The following SEC13 variants were observed in gnomAD, a reference collection of about 807,000 sequenced individuals.
SEC13 encodes protein SEC13 homolog.
SEC13 carries 25 observed loss-of-function variants against 49.2 expected under a neutral mutation model. The ratio of observed to expected loss-of-function variants is 0.51; its 90% CI spans 0.37 to 0.71. The LOEUF is 0.71. SEC13 is among the 30% of genes least tolerant of loss of function. The pLI is 0.00. For synonymous variants in SEC13, 148 were observed against 163.9 expected (o/e 0.90, Z 0.74); for missense variants, 383 against 417.6 (o/e 0.92, Z 0.72).
chr3:10,314,716 T>C (rs760588541), intron 3 of SEC13, among the ~76,000 whole-genome samples: 7 of 152,206 alleles, frequency 4.6e-5, no homozygotes, highest in Non-Finnish European at 8.8e-5. Flanking sequence ...GAGCCAGGAC[T>C]TCCTCAAGAA....
chr3:10,306,586 C>G (rs1473760881), intron 5 of SEC13, among the ~76,000 whole-genome samples: 3 of 152,124 alleles, frequency 2.0e-5, no homozygotes, highest in Non-Finnish European at 4.4e-5. Context: ...TTCAGTTACC[C>G]AGGGATAGAG....
At chr3:10,315,690 G>A (rs1701561537) in intron 2 of SEC13, among the ~76,000 whole-genome samples, 1 of 152,162 alleles carries the variant, frequency 6.6e-6, no homozygotes, top group Non-Finnish European at 1.5e-5. Context: ...CTCAGGGAAG[G>A]GCTCTTCCAT....
intron 4 of SEC13, 59 bp from the exon 5 acceptor site, chr3:10,312,157 C>T: frequency 1.3e-6 from 2 of 1,522,600 alleles, no homozygotes; most frequent in Non-Finnish European, 1.8e-6. Context: ...CCAGGTCCCG[C>T]CTTCCACAGA....
chr3:10,319,828 AGGGG>A (rs2059739746), intron 1 of SEC13, among the ~76,000 whole-genome samples: 2 of 15,286 alleles, frequency 1.3e-4, no homozygotes, highest in African/African-American at 3.6e-4. Context: ...GGAAAGAGGG[AGGGG>A]GAGAGAAAAG....
intron 3 of SEC13, among the ~76,000 whole-genome samples, chr3:10,314,600 A>C (rs554841230): frequency 6.6e-6 from 1 of 152,328 alleles, no homozygotes; most frequent in South Asian, 2.1e-4. Flanking sequence ...TCAACCCCTG[A>C]ACTCTATTCA....
chr3:10,319,923 G>C (rs1313335500), intron 1 of SEC13, among the ~76,000 whole-genome samples: 2 of 113,244 alleles, frequency 1.8e-5, no homozygotes, highest in Admixed American at 1.9e-4. Flanking sequence ...GAGAGAGAGA[G>C]AGAAGAGAGG....
At chr3:10,311,639 C>A in intron 5 of SEC13, 1 of 1,156,744 alleles carries the variant, frequency 8.6e-7, no homozygotes, top group Non-Finnish European at 1.1e-6. Flanking sequence ...TTAATAACAC[C>A]ACTCCATTCT....
chr3:10,311,920 CAAGGCAGGCGCTCTCACTGCACGA>C (rs760614235), intron 5 of SEC13, 21 bp downstream of exon 5: 30 of 1,613,946 alleles, frequency 1.9e-5, no homozygotes, highest in South Asian at 9.9e-5. Flanking sequence ...AGACACGGGG[CAAGGCAGGCGCTCTCACTGCACGA>C]AAGGCAGGGG....
intron 8 of SEC13, among the ~76,000 whole-genome samples, chr3:10,303,328 G>A (rs760040226): frequency 1.3e-5 from 2 of 152,262 alleles, no homozygotes; most frequent in African/African-American, 4.8e-5. Flanking sequence ...ACCCTGCGGC[G>A]TTAGAGATCC....
intron 5 of SEC13, among the ~76,000 whole-genome samples, chr3:10,308,280 G>C (rs1234685550): frequency 1.3e-5 from 2 of 152,104 alleles, no homozygotes; most frequent in Non-Finnish European, 1.5e-5. Flanking sequence ...GGCCTGCTCA[G>C]CTGCATTTCC....
rs190632857 is a variant in SEC13, at chr3:10,316,645, G to A, written c.49-1209C>T. Among the ~76,000 whole-genome samples the A allele has an allele frequency of 4.6e-3, 698 of 152,198 alleles. 3 individuals are homozygous for A. Among genetic ancestry groups the A allele is most frequent in the Middle Eastern group, 0.017 (5 of 294 alleles). ...TCTTTATTATTTACCAACATCCTAT[G>A]GGCCTTAGTTCCCTTATCTTTAAAT... On this transcript the variant is annotated intron_variant, in intron 2 of 8. Transcript: ENST00000350697.
chr3:10,316,694 C>T (rs966240254), intron 2 of SEC13, among the ~76,000 whole-genome samples: 2 of 152,204 alleles, frequency 1.3e-5, no homozygotes, highest in Admixed American at 6.5e-5. Flanking sequence ...GCATCTGTCT[C>T]AACAGTTGTT....
intron 1 of SEC13, among the ~76,000 whole-genome samples, chr3:10,319,912 G>GGA (rs1242463682): frequency 3.5e-5 from 4 of 114,994 alleles, no homozygotes; most frequent in Non-Finnish European, 3.6e-5. Context: ...GAGGGAGCGG[G>GGA]GAGAGAGAGA....
At chr3:10,306,682 T>TA (rs148656030) in intron 5 of SEC13, among the ~76,000 whole-genome samples, 1,536 of 152,340 alleles carry the variant, frequency 0.01, 29 homozygotes, top group African/African-American at 0.036. Context: ...GAGGTAATTG[T>TA]ATCACAGGGG....
chr3:10,310,110 TAC>T (rs995025353), intron 5 of SEC13, among the ~76,000 whole-genome samples: 1 of 152,184 alleles, frequency 6.6e-6, no homozygotes, highest in African/African-American at 2.4e-5. Context: ...CACTCGGTGT[TAC>T]AGAGTGCAAA....
Position 10,305,596 on chromosome 3 carries a change from C to G in SEC13, c.547G>C (p.Ala183Pro). 1 of 1,614,150 alleles carries G rather than the reference C, an allele frequency of 6.2e-7. No individual in the cohort carries two copies. The highest frequency in any genetic ancestry group is 8.5e-7 in the Non-Finnish European group (1 of 1,180,024). ...GQKPNYIKRF[A>P]SGGCDNLIKL... ...ATGAGGTTGTCACAGCCACCTGATG[C>G]AAACCTCTTGATGTAATTGGGTTTC... Residue 183 changes from alanine to proline, a missense_variant, in exon 6 of 9, where the codon GCA (alanine) becomes CCA (proline). Ala to Pro is a conservative substitution (Grantham distance 27, BLOSUM62 -1). Transcript: ENST00000350697.
In SEC13 at chr3:10,312,517, G is replaced by A. The variant is rs9825433; in HGVS notation, c.316+62C>T. On this transcript the variant is annotated intron_variant, in intron 4 of 8. Coordinates refer to ENST00000350697, the MANE Select transcript of SEC13 (RefSeq NM_183352.3). ...GGGGCAGGGAGCCAGGGCTCCAGCC[G>A]GGACAGAGTCCTTTTTTACCCAGTG... 1,479 of 1,580,450 alleles carry A rather than the reference G, an allele frequency of 9.4e-4. 12 individuals are homozygous for A. In the African/African-American group the frequency reaches 0.017, roughly 18 times the overall value.
intron 3 of SEC13, 62 bp downstream of exon 3, chr3:10,315,259 G>T: frequency 1.6e-6 from 2 of 1,237,884 alleles, no homozygotes; most frequent in Non-Finnish European, 2.4e-6. Flanking sequence ...TCCCACGCTT[G>T]AAGCAGGGCC....
At chr3:10,313,096 T>C (rs1701385201) in intron 3 of SEC13, 3 of 240,514 alleles carry the variant, frequency 1.2e-5, no homozygotes, top group Admixed American at 4.7e-5. Flanking sequence ...GTTCAGGAAA[T>C]ATTTGTAGAC....
Sources: gnomAD v4.1 joint callset for allele counts (sites outside exome capture counted in the v4.1 genomes callset) on GRCh38, gnomAD v4.1.1 for gene constraint, MANE v1.5 for transcripts, NCBI Gene and HGNC (gene_info 2026-07-23, HGNC 2026-07-21) for gene names.